Variants in RGL3 observed in about 807,000 individuals in gnomAD.
The protein encoded by RGL3 is ral guanine nucleotide dissociation stimulator-like 3.
Under a neutral mutation model 90.6 loss-of-function variants are expected in RGL3, and 85 were observed. The ratio of observed to expected loss-of-function variants is 0.94; its 90% CI spans 0.79 to 1.12. The LOEUF (loss-of-function observed/expected upper bound fraction) is 1.12, where lower values mean the gene tolerates loss of function less well. Ranked by LOEUF, RGL3 falls within the 50% of genes most tolerant of loss-of-function variation. The pLI is 0.00. For missense variants in RGL3, 1,034 were observed against 939.2 expected (o/e 1.10, Z -1.32); for synonymous variants, 408 against 385.5 (o/e 1.06, Z -0.68).
At chr19:11,395,795 T>G (rs1373989839) in intron 18 of RGL3, among the ~76,000 whole-genome samples, 1 of 151,214 alleles carries the variant, frequency 6.6e-6, no homozygotes, top group Non-Finnish European at 1.5e-5. Flanking sequence ...GCCTGGCTAA[T>G]TTTTTGTATT....
chr19:11,398,676 G>C (rs78163980), intron 16 of RGL3, among the ~76,000 whole-genome samples: 4 of 147,802 alleles, frequency 2.7e-5, no homozygotes, highest in African/African-American at 7.5e-5. Flanking sequence ...TTCTTTTTTT[G>C]TTTTTCTTTT....
At chr19:11,415,562 G>A (rs1017590780) in intron 5 of RGL3, among the ~76,000 whole-genome samples, 1 of 151,894 alleles carries the variant, frequency 6.6e-6, no homozygotes, top group African/African-American at 2.4e-5. Context: ...CGCAACCTCC[G>A]CCTCCCGGGT....
Position 11,416,958 on chromosome 19 carries a change from A to G in RGL3, c.249T>C (p.Phe83=). The change falls in exon 3 of 19, where the codon TTT becomes TTC. Residue 83 remains phenylalanine (F), a synonymous_variant. Coordinates refer to ENST00000380456, the MANE Select transcript of RGL3 (RefSeq NM_001035223.4). ...AGCTGGGGTCCTGCTCACGGTCTCC[A>G]AACACCAACTCTCCCACCAGCCGCT... ...RLERLVGELV[F]GDREQDPSFM... The G allele has an allele frequency of 6.2e-7, 1 of 1,614,026 alleles. No homozygotes were observed. Among genetic ancestry groups the G allele is most frequent in the Non-Finnish European group, 8.5e-7 (1 of 1,179,990 alleles).
In RGL3 at chr19:11,394,328, G is replaced by T; in HGVS notation, c.*74C>A. On this transcript the variant is annotated 3_prime_UTR_variant, in exon 19 of 19. Coordinates refer to ENST00000380456, the MANE Select transcript of RGL3 (RefSeq NM_001035223.4). ...CACAGCACAGTGGCCTCTACTGGGG[G>T]ATGGCAGCTTTCCAGGAGAAGAGTC... is the stretch of plus-strand genomic sequence containing the variant. 8.8e-7 allele frequency: 1 copy of T among 1,135,500 alleles called. No individual in the cohort carries two copies. Among genetic ancestry groups the T allele is most frequent in the Non-Finnish European group, 1.3e-6 (1 of 745,108 alleles). 70.3% of individuals were successfully genotyped at this position (1,135,500 alleles called of 1,614,324 possible). A position where few individuals can be genotyped will look rare whatever the true frequency, so the allele number is the denominator to read the frequency against.
chr19:11,401,855 C>T (rs772797751), intron 13 of RGL3, among the ~76,000 whole-genome samples, 156 bp downstream of exon 13: 1 of 152,078 alleles, frequency 6.6e-6, no homozygotes, highest in Admixed American at 6.6e-5. Context: ...CTATTTGATT[C>T]GACTGGAGAT....
intron 5 of RGL3, among the ~76,000 whole-genome samples, chr19:11,412,580 G>A (rs1206483860): frequency 6.6e-6 from 1 of 151,892 alleles, no homozygotes; most frequent in African/African-American, 2.4e-5. Flanking sequence ...TGCAAGTGTA[G>A]TCTTAGCTAC....
chr19:11,406,299 C>A, intron 7 of RGL3, 120 bp downstream of exon 7: 1 of 1,026,398 alleles, frequency 9.7e-7, no homozygotes, highest in African/African-American at 1.6e-5. Context: ...CCCTAGGTAT[C>A]AACTTTCCAC....
chr19:11,401,197 G>A (rs1968668955), intron 13 of RGL3, among the ~76,000 whole-genome samples: 1 of 150,554 alleles, frequency 6.6e-6, no homozygotes, highest in East Asian at 1.9e-4. Flanking sequence ...AGATGGGGTT[G>A]AAATTGAGGT....
chr19:11,405,957 A>G (rs1292679451), intron 7 of RGL3, among the ~76,000 whole-genome samples: 1 of 151,018 alleles, frequency 6.6e-6, no homozygotes, highest in African/African-American at 2.4e-5. Flanking sequence ...CTCAAACTCA[A>G]GGGCTCAAGC....
At chr19:11,413,250 A>G (rs2144736151) in intron 5 of RGL3, among the ~76,000 whole-genome samples, 1 of 147,200 alleles carries the variant, frequency 6.8e-6, no homozygotes, top group South Asian at 2.1e-4. Context: ...AAAAAAAAAA[A>G]GCGGGCCAGG....
intron 5 of RGL3, among the ~76,000 whole-genome samples, chr19:11,414,199 ATATATATATATACCTT>A (rs1362169125): frequency 3.7e-4 from 32 of 86,666 alleles, no homozygotes; most frequent in Non-Finnish European, 6.1e-4. Context: ...ATATACCTTT[ATATATATATATACCTT>A]TATATATATA....
In RGL3 at chr19:11,402,440, G is replaced by T. The variant is rs1369198294; in HGVS notation, c.1329+15C>A. ...AGTGGAGCTGGGGTCAGGGGTCAAG[G>T]GTCAGGGGTCAGACCTCCAACATAT... On this transcript the variant is annotated intron_variant, in intron 11 of 18. Transcript: ENST00000380456. 2 of 1,595,606 alleles carry T rather than the reference G, an allele frequency of 1.3e-6. No homozygotes were observed. Among genetic ancestry groups the T allele is most frequent in the African/African-American group, 1.4e-5 (1 of 74,030 alleles).
At chr19:11,418,390 G>A (rs918891150) in intron 2 of RGL3, 4 of 482,400 alleles carry the variant, frequency 8.3e-6, no homozygotes, top group African/African-American at 4.1e-5. Context: ...CTCTAAACCT[G>A]CCTTTCCCAA....
chr19:11,416,775 AGGGGGGTGCCCAGTTGG>A (rs775913405), intron 3 of RGL3, 44 bp downstream of exon 3: 1 of 1,599,186 alleles, frequency 6.3e-7, no homozygotes, highest in Non-Finnish European at 8.6e-7. Flanking sequence ...GAGGAGGTGG[AGGGGGGTGCCCAGTTGG>A]GGTTCTAGGG....
Position 11,406,856 on chromosome 19 carries a change from TG to T in RGL3, c.645del (p.Arg216GlufsTer40). The T allele has an allele frequency of 1.9e-6, 3 of 1,606,070 alleles. No homozygotes were observed. Among genetic ancestry groups the T allele is most frequent in the Non-Finnish European group, 2.6e-6 (3 of 1,174,322 alleles). ...EEPPQVWTGP[P>X]RVAQTSDPDS... ...TCTGGGTCAGAAGTTTGGGCAACTC[TG>T]GGAGGTCCTGATCATTAGAAAGGGT... On this transcript the variant is annotated frameshift_variant, in exon 6 of 19. Transcript: ENST00000380456. LOFTEE classifies it high-confidence loss of function.
chr19:11,406,987 TA>T (rs1397634250), intron 5 of RGL3, 123 bp from the exon 6 acceptor site: 846 of 1,020,292 alleles, frequency 8.3e-4, no homozygotes, highest in South Asian at 1.4e-3. Flanking sequence ...AGAGCTCTCT[TA>T]AATTTTTTTT....
At position 11,402,142 on chromosome 19, in the gene RGL3, G is replaced by C. The variant is rs201281879; in HGVS notation, c.1363-10C>G. ...CCAGGATCTCCCACTCCTGGAGGACGAGCCTCTAAGACCCTACCCCTGCCC... is the reference window on the plus strand; with the variant it reads ...CCAGGATCTCCCACTCCTGGAGGACCAGCCTCTAAGACCCTACCCCTGCCC... On this transcript the variant is annotated splice_polypyrimidine_tract_variant and intron_variant, in intron 12 of 18. Coordinates refer to ENST00000380456, the MANE Select transcript of RGL3 (RefSeq NM_001035223.4). 6.2e-4 allele frequency: 1,005 copies of C among 1,610,924 alleles called. 5 individuals are homozygous for C. In the African/African-American group the frequency reaches 0.01, roughly 17 times the overall value.
chr19:11,402,964 C>T (rs1292796407), intron 9 of RGL3, among the ~76,000 whole-genome samples: 2 of 151,930 alleles, frequency 1.3e-5, no homozygotes, highest in Non-Finnish European at 2.9e-5. Flanking sequence ...AAAAATTAGC[C>T]GGGTATGGTG....
chr19:11,411,763 T>C (rs969554582), intron 5 of RGL3, among the ~76,000 whole-genome samples: 2 of 152,170 alleles, frequency 1.3e-5, no homozygotes, highest in South Asian at 2.1e-4. Context: ...GCTGGGACTA[T>C]AGGCAGTCAC....
Sources: gnomAD v4.1 joint callset for allele counts (sites outside exome capture counted in the v4.1 genomes callset) on GRCh38, gnomAD v4.1.1 for gene constraint, MANE v1.5 for transcripts, NCBI Gene and HGNC (gene_info 2026-07-23, HGNC 2026-07-21) for gene names.